The following DCDC1 variants were observed in gnomAD, a reference collection of about 807,000 sequenced individuals.
DCDC1 encodes doublecortin domain containing 1.
A neutral mutation model predicts 178.3 loss-of-function variants in DCDC1; 200 were observed. That is an observed-to-expected ratio of 1.12 (90% CI 1.00 to 1.26). DCDC1 has a LOEUF of 1.26. DCDC1 is among the 50% of genes most tolerant of loss of function. DCDC1 has a pLI of 0.00. For synonymous variants in DCDC1, 690 were observed against 604.8 expected, an observed-to-expected ratio of 1.14 and a Z score of -2.07; for missense variants, 1,983 against 1,749.2, an observed-to-expected ratio of 1.13 and a Z score of -2.38.
intron 7 of DCDC1, among the ~76,000 whole-genome samples, chr11:31,265,967 A>G (rs984651736): frequency 6.6e-6 from 1 of 150,614 alleles, no homozygotes; most frequent in East Asian, 1.9e-4. Context: ...GTAGACCTTT[A>G]GAACTCTGAG....
intron 15 of DCDC1, among the ~76,000 whole-genome samples, chr11:31,096,932 C>T (rs1236246758): frequency 1.4e-4 from 21 of 151,658 alleles, no homozygotes; most frequent in African/African-American, 2.7e-4. Flanking sequence ...TGTGTGTGTG[C>T]GCGCGCCCGT....
In DCDC1 at chr11:30,994,541, A is replaced by G. The variant is rs915019382; in HGVS notation, c.2592-41973T>C. Among the ~76,000 whole-genome samples the G allele has an allele frequency of 9.6e-5, 14 of 146,248 alleles. No individual in the cohort carries two copies. In the Admixed American group the frequency reaches 9.8e-4, roughly 10 times the overall value. On this transcript the variant is annotated intron_variant, in intron 20 of 38. Coordinates refer to ENST00000684477, the MANE Select transcript of DCDC1 (RefSeq NM_001387274.1). The stretch of plus-strand genomic sequence containing the variant: ...TCCTGACCTCAAGTTATATATATAT[A>G]TATGTATATGTATATATGCCCTTTG...
intron 11 of DCDC1, among the ~76,000 whole-genome samples, chr11:31,119,785 CAT>C (rs890950039): frequency 1.3e-5 from 2 of 152,148 alleles, no homozygotes; most frequent in Admixed American, 6.6e-5. Flanking sequence ...AGGAAAGTCA[CAT>C]GTTTTCTGTT....
chr11:31,339,823 C>T (rs560293878), intron 1 of DCDC1, among the ~76,000 whole-genome samples: 126 of 152,252 alleles, frequency 8.3e-4, no homozygotes, highest in African/African-American at 2.9e-3. Context: ...TCTAAACTAG[C>T]CAAATAATTT....
chr11:31,261,294 G>A (rs745535019), intron 8 of DCDC1, among the ~76,000 whole-genome samples: 3 of 152,084 alleles, frequency 2.0e-5, no homozygotes, highest in East Asian at 1.9e-4. Flanking sequence ...ATTGTTTTAG[G>A]TAGTATTGTG....
intron 1 of DCDC1, among the ~76,000 whole-genome samples, chr11:31,362,909 A>C (rs1284519787): frequency 6.6e-6 from 1 of 152,170 alleles, no homozygotes; most frequent in Non-Finnish European, 1.5e-5. Flanking sequence ...GGTTGCAAGA[A>C]GCTGAAATGC....
chr11:31,280,879 G>A (rs1275534139), intron 7 of DCDC1: 8 of 639,052 alleles, frequency 1.3e-5, no homozygotes, highest in Non-Finnish European at 1.2e-5. Flanking sequence ...TCTGCCCGAA[G>A]AGACCATGGA....
At position 30,909,069 on chromosome 11, in the gene DCDC1, G is replaced by A. The variant is rs1293225116; in HGVS notation, c.3795C>T (p.Tyr1265=). 6.2e-7 allele frequency: 1 copy of A among 1,611,312 alleles called. No homozygotes were observed. Among genetic ancestry groups the A allele is most frequent in the Admixed American group, 1.7e-5 (1 of 59,876 alleles). The change falls in exon 29 of 39, where the codon TAC becomes TAT. Residue 1265 remains tyrosine (Y), a synonymous_variant. Coordinates refer to ENST00000684477, the MANE Select transcript of DCDC1 (RefSeq NM_001387274.1). ...CCACAAGTGCTTTTATATTTTTCATGTAATGCCACTTTTGATTGGCAGCTC... is the reference window on the plus strand; with the variant it reads ...CCACAAGTGCTTTTATATTTTTCATATAATGCCACTTTTGATTGGCAGCTC... ...NNGAANQKWH[Y]MKNIKALVAF... is the part of the protein sequence containing the mutation.
At chr11:31,351,671 A>G (rs1951079441) in intron 1 of DCDC1, among the ~76,000 whole-genome samples, 1 of 152,170 alleles carries the variant, frequency 6.6e-6, no homozygotes, top group Non-Finnish European at 1.5e-5. Flanking sequence ...AGGTAAGGGT[A>G]AAAAGCACAT....
At chr11:31,164,928 C>T (rs1228721431) in intron 9 of DCDC1, among the ~76,000 whole-genome samples, 1 of 152,170 alleles carries the variant, frequency 6.6e-6, no homozygotes, top group Non-Finnish European at 1.5e-5. Context: ...ACAGCTGTGC[C>T]ATTTTAAACC....
intron 20 of DCDC1, among the ~76,000 whole-genome samples, chr11:31,053,281 C>A (rs969845336): frequency 1.3e-5 from 2 of 151,960 alleles, no homozygotes; most frequent in African/African-American, 4.8e-5. Context: ...CTTAAATCAG[C>A]TAGAATTAGA....
At chr11:31,014,176 C>T (rs547662890) in intron 20 of DCDC1, among the ~76,000 whole-genome samples, 2 of 152,244 alleles carry the variant, frequency 1.3e-5, no homozygotes, top group East Asian at 1.9e-4. Context: ...ACACCAGAGA[C>T]ATAGCTCTTG....
chr11:31,349,475 G>C (rs973098558), intron 1 of DCDC1, among the ~76,000 whole-genome samples: 1 of 151,956 alleles, frequency 6.6e-6, no homozygotes, highest in African/African-American at 2.4e-5. Flanking sequence ...CCTCCAACTG[G>C]TTGAATTTTC....
At chr11:30,886,259 T>C (rs549932826) in intron 36 of DCDC1, among the ~76,000 whole-genome samples, 1 of 152,304 alleles carries the variant, frequency 6.6e-6, no homozygotes, top group East Asian at 1.9e-4. Flanking sequence ...TGCTGTTTCC[T>C]AAATAGAAAA....
At chr11:31,209,501 C>T (rs1031102706) in intron 9 of DCDC1, among the ~76,000 whole-genome samples, 6 of 152,292 alleles carry the variant, frequency 3.9e-5, no homozygotes, top group Middle Eastern at 3.4e-3. Context: ...CATTATTGCC[C>T]TTTTCCACCT....
At chr11:30,935,289 T>C (rs989559617) in intron 21 of DCDC1, among the ~76,000 whole-genome samples, 26 of 152,214 alleles carry the variant, frequency 1.7e-4, no homozygotes, top group Admixed American at 3.9e-4. Flanking sequence ...CACCCTACTG[T>C]ACCTTGTATC....
At chr11:30,873,364 TAGAGAGAG>T (rs3076153) in intron 38 of DCDC1, among the ~76,000 whole-genome samples, 1 of 137,086 alleles carries the variant, frequency 7.3e-6, no homozygotes, top group African/African-American at 2.8e-5. Flanking sequence ...TATATATATA[TAGAGAGAG>T]AGAGAGAGAG....
In DCDC1 at chr11:31,109,960, C is replaced by CA. The variant is rs556687289; in HGVS notation, c.1587+299_1587+300insT. ...GGCATACCCTCCACTGAATATATCACTTTTTTTTACTGTAAACAAGAGGGA... is the reference window on the plus strand; with the variant it reads ...GGCATACCCTCCACTGAATATATCACATTTTTTTTACTGTAAACAAGAGGGA... On this transcript the variant is annotated intron_variant, in intron 12 of 38. Transcript: ENST00000684477. Among the ~76,000 whole-genome samples the CA allele has an allele frequency of 4.7e-4, 71 of 152,044 alleles. 1 individual carries two copies. The South Asian group carries it at 0.015, about 31-fold the overall frequency.
intron 20 of DCDC1, among the ~76,000 whole-genome samples, chr11:31,053,150 C>T (rs891871049): frequency 1.3e-5 from 2 of 151,920 alleles, no homozygotes; most frequent in African/African-American, 4.8e-5. Flanking sequence ...AAACAAGAGA[C>T]ATTACAACTG....
Sources: allele counts gnomAD v4.1 joint callset (sites outside exome capture counted in the v4.1 genomes callset), GRCh38; gene constraint gnomAD v4.1.1; transcripts MANE v1.5; gene names NCBI Gene and HGNC (gene_info 2026-07-23, HGNC 2026-07-21).